Variants in PCDHGA1 observed in about 807,000 individuals in gnomAD.
The protein encoded by PCDHGA1 is protocadherin gamma subfamily A, 1.
In PCDHGA1, 32 loss-of-function variants were observed where a neutral mutation model predicts 58.0. The observed-to-expected ratio is 0.55, with a 90% confidence interval of 0.42 to 0.74. PCDHGA1 has a LOEUF of 0.74. PCDHGA1 is among the 30% of genes least tolerant of loss of function. PCDHGA1 has a pLI of 0.00. For synonymous variants in PCDHGA1, 498 were observed against 501.1 expected (o/e 0.99, Z 0.08); for missense variants, 1,205 against 1,182.3 (o/e 1.02, Z -0.28).
chr5:141,431,502 G>A lies in PCDHGA1; in HGVS notation c.2422-63305G>A, dbSNP rs749812839. ...CCAGCGTTTGCTCAGCCCGAGTACC[G>A]CGCGAGCGTTCCGGAGAATCTGGCC... On this transcript the variant is annotated intron_variant, in intron 1 of 3. Coordinates refer to ENST00000517417, the MANE Select transcript of PCDHGA1 (RefSeq NM_018912.3). This position sits in a 1 kb window ranked among gnomAD's most constrained non-coding sequence, Gnocchi z 4.8. 6 of 1,614,008 alleles carry A rather than the reference G, an allele frequency of 3.7e-6. No homozygotes were observed. In the East Asian group the frequency reaches 6.7e-5, roughly 18 times the overall value.
intron 1 of PCDHGA1, chr5:141,357,345 G>A (rs1300447228): frequency 6.2e-7 from 1 of 1,613,990 alleles, no homozygotes. Flanking sequence ...TAGCACTCAA[G>A]CTGAGACGCT....
intron 1 of PCDHGA1, among the ~76,000 whole-genome samples, chr5:141,444,000 A>T (rs2098413157): frequency 6.6e-6 from 1 of 152,070 alleles, no homozygotes; most frequent in African/African-American, 2.4e-5. Context: ...TTTAAATGCT[A>T]CCTGGGTATT....
Position 141,448,073 on chromosome 5 carries a change from C to T in PCDHGA1, c.2422-46734C>T, listed in dbSNP as rs1025112556. ...TGCTCTCCAGCCTGGGCAACATGAA[C>T]GAAATGCCATCTTAAAAAAAAAAAA... On this transcript the variant is annotated intron_variant, in intron 1 of 3. Coordinates refer to ENST00000517417, the MANE Select transcript of PCDHGA1 (RefSeq NM_018912.3). 3.3e-5 allele frequency among the ~76,000 whole-genome samples: 5 copies of T among 151,432 alleles called. No individual in the cohort carries two copies. In the East Asian group the frequency reaches 5.8e-4, roughly 18 times the overall value.
intron 1 of PCDHGA1, chr5:141,364,821 T>C (rs1185593883): frequency 6.2e-7 from 1 of 1,613,886 alleles, no homozygotes; most frequent in Non-Finnish European, 8.5e-7. Flanking sequence ...GATGTGGGTG[T>C]GAACTCTCTC....
intron 1 of PCDHGA1, chr5:141,403,053 C>A: frequency 6.2e-7 from 1 of 1,614,076 alleles, no homozygotes; most frequent in Non-Finnish European, 8.5e-7. Context: ...ATTCGCTACT[C>A]AGTGCCTGAA....
chr5:141,372,024 G>C (rs756350888), intron 1 of PCDHGA1: 1 of 1,613,384 alleles, frequency 6.2e-7, no homozygotes, highest in East Asian at 2.2e-5. Context: ...TACGCTCAGC[G>C]CCAACGTGAG....
intron 1 of PCDHGA1, among the ~76,000 whole-genome samples, chr5:141,436,515 G>A (rs1393437693): frequency 6.6e-6 from 1 of 152,160 alleles, no homozygotes; most frequent in Non-Finnish European, 1.5e-5. Context: ...ATTGTTAACT[G>A]TGTCACCTTT....
At chr5:141,415,342 T>C (rs1305683222) in intron 1 of PCDHGA1, 2 of 1,614,108 alleles carry the variant, frequency 1.2e-6, no homozygotes, top group African/African-American at 2.7e-5. Context: ...GCTGCGGCGC[T>C]GGCACAAGTC....
intron 1 of PCDHGA1, among the ~76,000 whole-genome samples, chr5:141,465,348 A>C (rs886810999): frequency 6.6e-6 from 1 of 152,158 alleles, no homozygotes; most frequent in African/African-American, 2.4e-5. Context: ...GTTACTGAAG[A>C]AAAAATGGGT....
In PCDHGA1 at chr5:141,332,518, A is replaced by G. The variant is rs762238844; in HGVS notation, c.1834A>G (p.Ser612Gly). 2 of 1,611,972 alleles carry G rather than the reference A, an allele frequency of 1.2e-6. No homozygotes were observed. Among genetic ancestry groups the G allele is most frequent in the South Asian group, 2.2e-5 (2 of 90,982 alleles). ...GCTGTCCTACCGCCTGCTCAAGGCC[A>G]GCGAGCCGGGACTCTTCTCGGTGGG... ...AWLSYRLLKA[S>G]EPGLFSVGLH... The change falls in exon 1 of 4, where the codon AGC becomes GGC. Residue 612 changes from serine to glycine, a missense_variant. Coordinates refer to ENST00000517417, the MANE Select transcript of PCDHGA1 (RefSeq NM_018912.3). This position sits in a 1 kb window ranked among gnomAD's most constrained non-coding sequence, Gnocchi z 4.6.
At position 141,486,038 on chromosome 5, in the gene PCDHGA1, G is replaced by T; in HGVS notation, c.2422-8769G>T. The stretch of plus-strand genomic sequence containing the variant: ...TTTCAGTGGTCATACCCCTGATCGT[G>T]TAAGAAACCTCTTTAGCCTGCACCC... On this transcript the variant is annotated intron_variant, in intron 1 of 3. Coordinates refer to ENST00000517417, the MANE Select transcript of PCDHGA1 (RefSeq NM_018912.3). This position sits in a 1 kb window ranked among gnomAD's most constrained non-coding sequence, Gnocchi z 5.0. The T allele has an allele frequency of 3.1e-6, 5 of 1,614,184 alleles. No individual in the cohort carries two copies. Among genetic ancestry groups the T allele is most frequent in the Non-Finnish European group, 4.2e-6 (5 of 1,180,018 alleles).
At chr5:141,436,294 G>A (rs1205368824) in intron 1 of PCDHGA1, among the ~76,000 whole-genome samples, 1 of 152,142 alleles carries the variant, frequency 6.6e-6, no homozygotes, top group Non-Finnish European at 1.5e-5. Context: ...AAATCATTGA[G>A]AGTTAGAGCA....
intron 1 of PCDHGA1, chr5:141,350,678 T>C: frequency 6.2e-7 from 1 of 1,613,918 alleles, no homozygotes; most frequent in East Asian, 2.2e-5. Flanking sequence ...CTTAGAAATT[T>C]GTGAGTCAGC....
chr5:141,364,772 G>T (rs764374918), intron 1 of PCDHGA1: 17 of 1,613,860 alleles, frequency 1.1e-5, no homozygotes, highest in African/African-American at 2.7e-5. Context: ...AAATGCGGCT[G>T]CAGGGACACG....
intron 1 of PCDHGA1, chr5:141,410,275 C>A: frequency 6.2e-7 from 1 of 1,614,038 alleles, no homozygotes; most frequent in Non-Finnish European, 8.5e-7. Context: ...TGCAGTTTTA[C>A]CTGGTGGTGG....
At chr5:141,456,259 C>T (rs1456888951) in intron 1 of PCDHGA1, among the ~76,000 whole-genome samples, 1 of 152,122 alleles carries the variant, frequency 6.6e-6, no homozygotes, top group Non-Finnish European at 1.5e-5. Flanking sequence ...GCGACCATTG[C>T]TTCTGGCTAC....
At chr5:141,350,496 G>C in intron 1 of PCDHGA1, 1 of 1,614,034 alleles carries the variant, frequency 6.2e-7, no homozygotes, top group African/African-American at 1.3e-5. Context: ...TTGGAGAGCG[G>C]GGATTTGTTA....
chr5:141,417,833 G>A (rs968698994), intron 1 of PCDHGA1: 8 of 1,529,614 alleles, frequency 5.2e-6, no homozygotes, highest in Middle Eastern at 1.7e-4. Context: ...TGGAAAAGCG[G>A]GGACCCAGCG....
At chr5:141,371,456 A>G (rs755481962) in intron 1 of PCDHGA1, 2 of 1,614,020 alleles carry the variant, frequency 1.2e-6, no homozygotes, top group South Asian at 1.1e-5. Context: ...CTGAATCCCA[A>G]CATATACAAG....
Sources: allele counts gnomAD v4.1 joint callset (sites outside exome capture counted in the v4.1 genomes callset), GRCh38; gene constraint gnomAD v4.1.1; non-coding constraint Gnocchi (gnomAD v3.1); transcripts MANE v1.5; gene names NCBI Gene and HGNC (gene_info 2026-07-23, HGNC 2026-07-21).